Variants in USP29 observed in about 807,000 individuals in gnomAD.
The protein encoded by USP29 is ubiquitin specific peptidase 29.
For missense variants in USP29, 1,102 were observed against 1,069.0 expected (o/e 1.03, Z -0.43); for synonymous variants, 386 against 387.4 (o/e 1.00, Z 0.04).
chr19:57,122,513 A>ATGTGTGTGTGTG (rs761754087), intron 2 of USP29, 39 bp downstream of exon 2: 28 of 135,422 alleles, frequency 2.1e-4, no homozygotes, highest in South Asian at 5.1e-4. Context: ...GGGTGATGGG[A>ATGTGTGTGTGTG]TGTGTGTGTG....
At position 57,128,984 on chromosome 19, in the gene USP29, C is replaced by A. The variant is rs1599917658; in HGVS notation, c.309C>A (p.His103Gln). 6.2e-7 allele frequency: 1 copy of A among 1,614,092 alleles called. No individual in the cohort carries two copies. The highest frequency in any genetic ancestry group is 8.5e-7 in the Non-Finnish European group (1 of 1,180,026). ...TGAATATGTTCCTGGACATAATCCA[C>A]CAAAACAAATCTCAGCAACCCATGA... ...KQLNMFLDII[H>Q]QNKSQQPMKS... Residue 103 changes from histidine (H) to glutamine (Q), a missense_variant, in exon 4 of 4, where the codon CAC becomes CAA. Coordinates refer to ENST00000254181, the MANE Select transcript of USP29 (RefSeq NM_020903.3).
rs1445507075 is a variant in USP29, at chr19:57,131,216, C to T, written c.2541C>T (p.Asp847=). Reference sequence around the variant, plus strand: ...GCCATTACATCAGCGATGTGTATGACTTTCAGAAGCAGGCCTGGTTCACAT... The same window carrying T: ...GCCATTACATCAGCGATGTGTATGATTTTCAGAAGCAGGCCTGGTTCACAT... The part of the protein sequence containing the change: ...NSGHYISDVY[D]FQKQAWFTYN... The change falls in exon 4 of 4, where the codon GAC becomes GAT. Residue 847 remains aspartate (D), a synonymous_variant. Coordinates refer to ENST00000254181, the MANE Select transcript of USP29 (RefSeq NM_020903.3). The T allele has an allele frequency of 3.7e-6, 6 of 1,614,084 alleles. No homozygotes were observed. The highest frequency in any genetic ancestry group is 4.2e-6 in the Non-Finnish European group (5 of 1,180,056).
intron 2 of USP29, among the ~76,000 whole-genome samples, chr19:57,123,428 G>C (rs989460256): frequency 1.3e-5 from 2 of 152,190 alleles, no homozygotes; most frequent in South Asian, 4.2e-4. Context: ...TTAATTTTGA[G>C]CCATTTTAGC....
At position 57,130,457 on chromosome 19, in the gene USP29, C is replaced by T. The variant is rs35663514; in HGVS notation, c.1782C>T (p.Pro594=). ...AATCCAGTGATTCCCTGGTTCTACC[C>T]GTTGAACCAGACAAGAATGCCGACC... The part of the protein sequence containing the change: ...TSESSDSLVL[P]VEPDKNADLQ... Residue 594 remains proline (P), a synonymous_variant, in exon 4 of 4, where the codon CCC becomes CCT. Coordinates refer to ENST00000254181, the MANE Select transcript of USP29 (RefSeq NM_020903.3). 1.9e-6 allele frequency: 3 copies of T among 1,613,990 alleles called. No individual in the cohort carries two copies. The highest frequency in any genetic ancestry group is 2.2e-5 in the South Asian group (2 of 91,064).
intron 1 of USP29, among the ~76,000 whole-genome samples, chr19:57,121,974 TA>T: frequency 6.6e-6 from 1 of 151,100 alleles, no homozygotes. Flanking sequence ...GATAGATAGA[TA>T]GATACATAGA....
At chr19:57,119,933 G>A (rs1317350772), upstream of USP29, 1 of 152,346 alleles carries the variant, frequency 6.6e-6, no homozygotes, top group African/African-American at 2.4e-5. Context: ...TAGACCCGTA[G>A]GTCGGGAGGC....
chr19:57,130,075 T>A lies in USP29; in HGVS notation c.1400T>A (p.Leu467Ter), dbSNP rs542476119. 6.2e-7 allele frequency: 1 copy of A among 1,613,508 alleles called. No homozygotes were observed. Among genetic ancestry groups the A allele is most frequent in the Admixed American group, 1.7e-5 (1 of 59,896 alleles). The change falls in exon 4 of 4, where the codon TTG becomes TAG. Residue 467 changes from leucine (L) to a stop codon, truncating the protein, a stop_gained. Transcript: ENST00000254181. LOFTEE classifies it low-confidence loss of function (END_TRUNC). ...NLHQETKPLP[L>*]SIQNSLDLFF... ...CACCAAGAAACAAAACCACTTCCTT[T>A]GTCCATTCAGAATTCTTTAGATCTT...
Position 57,130,182 on chromosome 19 carries a change from C to T in USP29, c.1507C>T (p.Leu503Phe), listed in dbSNP as rs767761343. The change falls in exon 4 of 4, where the codon CTC (leucine) becomes TTC (phenylalanine). Residue 503 changes from leucine to phenylalanine, a missense_variant. By Grantham distance (22) the Leu-to-Phe change is conservative (BLOSUM62 0). Coordinates refer to ENST00000254181, the MANE Select transcript of USP29 (RefSeq NM_020903.3). ...SCVARHTFSR[L>F]SRVLIIHLKR... The stretch of plus-strand genomic sequence containing the variant: ...TGTTGCAAGGCATACATTTAGTAGG[C>T]TCTCCAGGGTCCTTATCATTCATCT... 7 of 1,613,866 alleles carry T rather than the reference C, an allele frequency of 4.3e-6. No individual in the cohort carries two copies. Among genetic ancestry groups the T allele is most frequent in the Non-Finnish European group, 5.9e-6 (7 of 1,179,996 alleles).
chr19:57,123,738 G>T (rs1324966755), intron 2 of USP29, among the ~76,000 whole-genome samples: 1 of 152,186 alleles, frequency 6.6e-6, no homozygotes, highest in African/African-American at 2.4e-5. Context: ...AACAAATGTT[G>T]TTAGAAGGTC....
rs759127453 is a variant in USP29, at chr19:57,130,578, T to C, written c.1903T>C (p.Phe635Leu). The C allele has an allele frequency of 1.2e-6, 2 of 1,614,110 alleles. No individual in the cohort carries two copies. Among genetic ancestry groups the C allele is most frequent in the South Asian group, 2.2e-5 (2 of 91,074 alleles). Residue 635 changes from phenylalanine to leucine, a missense_variant, in exon 4 of 4, where the codon TTT becomes CTT. Phe to Leu is a conservative substitution (Grantham distance 22). Coordinates refer to ENST00000254181, the MANE Select transcript of USP29 (RefSeq NM_020903.3). ...GSALESELVH[F>L]RDRAIGEKEL... ...TGCACTAGAGTCAGAATTGGTCCAC[T>C]TTAGAGATAGGGCAATCGGTGAAAA...
At position 57,130,384 on chromosome 19, in the gene USP29, T is replaced by C. The variant is rs201533731; in HGVS notation, c.1709T>C (p.Ile570Thr). 43 of 1,614,214 alleles carry C rather than the reference T, an allele frequency of 2.7e-5. 1 individual carries two copies. Among genetic ancestry groups the C allele is most frequent in the Admixed American group, 8.3e-5 (5 of 60,028 alleles). The change falls in exon 4 of 4, where the codon ATT becomes ACT. Residue 570 changes from isoleucine to threonine, a missense_variant. Physicochemically the swap from Ile to Thr is moderately conservative, Grantham distance 89. Transcript: ENST00000254181. The part of the protein sequence containing the change: ...CEVLEVSQEM[I>T]SEINSPLTPS... ...GTCCTGGAAGTCTCTCAGGAGATGA[T>C]TTCTGAGATCAACAGCCCATTGACA...
chr19:57,122,874 G>A (rs1247157586), intron 2 of USP29, among the ~76,000 whole-genome samples: 1 of 152,126 alleles, frequency 6.6e-6, no homozygotes, highest in Non-Finnish European at 1.5e-5. Context: ...AAGGTCCAGT[G>A]AGGGTGAAGT....
In USP29 at chr19:57,131,371, GGCTACCTA is replaced by G; in HGVS notation, c.2699_2706del (p.Leu900HisfsTer14). The G allele has an allele frequency of 6.2e-7, 1 of 1,614,086 alleles. No individual in the cohort carries two copies. The highest frequency in any genetic ancestry group is 1.7e-5 in the Admixed American group (1 of 60,014). ...CTGTTAAGAAAAGCAGAGAACTCTC[GGCTACCTA>G]GCACACAGGCAGGGGTGATCCCTCA... On this transcript the variant is annotated frameshift_variant, in exon 4 of 4. Coordinates refer to ENST00000254181, the MANE Select transcript of USP29 (RefSeq NM_020903.3). LOFTEE classifies it low-confidence loss of function (END_TRUNC).
chr19:57,125,058 G>A (rs1307225793), intron 3 of USP29, among the ~76,000 whole-genome samples: 3 of 152,268 alleles, frequency 2.0e-5, no homozygotes, highest in East Asian at 1.9e-4. Context: ...CTAAGAAGTC[G>A]TTATTATTGT....
chr19:57,128,043 C>T (rs2086832890), intron 3 of USP29, among the ~76,000 whole-genome samples: 1 of 116,872 alleles, frequency 8.6e-6, no homozygotes, highest in African/African-American at 2.9e-5. Flanking sequence ...CCTTGCATTT[C>T]CCAGGTGAGG....
At position 57,129,396 on chromosome 19, in the gene USP29, A is replaced by G; in HGVS notation, c.721A>G (p.Thr241Ala). 1 of 1,614,198 alleles carries G rather than the reference A, an allele frequency of 6.2e-7. No homozygotes were observed. ...NCNGNPNLDE[T>A]VLATQTLNAK... ...TAATGGAAATCCTAACCTAGATGAG[A>G]CTGTTCTTGCAACCCAGACTCTCAA... is the stretch of plus-strand genomic sequence containing the variant. Residue 241 changes from threonine (T) to alanine (A), a missense_variant, in exon 4 of 4, where the codon ACT becomes GCT. Transcript: ENST00000254181.
At chr19:57,128,575 A>G in intron 3 of USP29, 85 bp from the exon 4 acceptor site, 1 of 1,306,742 alleles carries the variant, frequency 7.7e-7, no homozygotes, top group South Asian at 1.8e-5. Flanking sequence ...AAAATAAATC[A>G]TTATTATATG....
rs201673727 is a variant in USP29 at position 57,125,713 on chromosome 19, A to G, written c.-17+1574A>G. Among the ~76,000 whole-genome samples, 9 of 152,122 alleles carry G rather than the reference A, an allele frequency of 5.9e-5. 1 individual carries two copies. In the East Asian group the frequency reaches 1.8e-3, roughly 30 times the overall value. Reference sequence around the variant, plus strand: ...GCACATCAATGGGTCTTGACTCTTTATCCAATTTGCCAGTCTGTATCTTTT... The same window carrying G: ...GCACATCAATGGGTCTTGACTCTTTGTCCAATTTGCCAGTCTGTATCTTTT... On this transcript the variant is annotated intron_variant, in intron 3 of 3. Transcript: ENST00000254181.
rs2086848174 is a variant in USP29, at chr19:57,130,110, G to C, written c.1435G>C (p.Glu479Gln). ...IQNSLDLFFK[E>Q]EELEYNCQMC... ...GAATTCTTTAGATCTTTTCTTTAAA[G>C]AAGAAGAGCTTGAATATAACTGTCA... Residue 479 changes from glutamate (E) to glutamine (Q), a missense_variant, in exon 4 of 4, where the codon GAA (glutamate) becomes CAA (glutamine). Glu to Gln is a conservative substitution (Grantham distance 29). Coordinates refer to ENST00000254181, the MANE Select transcript of USP29 (RefSeq NM_020903.3). 1.9e-6 allele frequency: 3 copies of C among 1,613,440 alleles called. No homozygotes were observed. The highest frequency in any genetic ancestry group is 2.5e-6 in the Non-Finnish European group (3 of 1,179,866).
Sources: gnomAD v4.1 joint callset for allele counts (sites outside exome capture counted in the v4.1 genomes callset) on GRCh38, gnomAD v4.1.1 for gene constraint, MANE v1.5 for transcripts, NCBI Gene and HGNC (gene_info 2026-07-23, HGNC 2026-07-21) for gene names.